The following GPRC5B variants were observed in gnomAD, a reference collection of about 807,000 sequenced individuals.
GPRC5B encodes G protein-coupled receptor class C group 5 member B, also known as G protein-coupled receptor family C group 5 member B.
In GPRC5B, 16 loss-of-function variants were observed where a neutral mutation model predicts 30.1. That is an observed-to-expected ratio of 0.53 (90% CI 0.36 to 0.81). The LOEUF is 0.81. GPRC5B is among the 30% of genes least tolerant of loss of function. The probability of loss-of-function intolerance (pLI) is 0.01; values close to 1 mark genes in which losing one functional copy is unlikely to be tolerated. For synonymous variants in GPRC5B, 241 were observed against 239.5 expected, an observed-to-expected ratio of 1.01 and a Z score of -0.06; for missense variants, 428 against 544.7, an observed-to-expected ratio of 0.79 and a Z score of 2.13.
chr16:19,859,719 A>T lies in GPRC5B; in HGVS notation c.*781T>A, dbSNP rs1433551426. 1 of 152,714 alleles carries T rather than the reference A, an allele frequency of 6.5e-6. No homozygotes were observed. The highest frequency in any genetic ancestry group is 1.9e-4 in the East Asian group (1 of 5,206). The allele number at this position is 152,714 out of a possible 1,614,324, so 9.5% of individuals were successfully genotyped here. On this transcript the variant is annotated 3_prime_UTR_variant, in exon 4 of 4. Transcript: ENST00000300571. ...GGCGAGATGATCAAGGGAAGAAGGG[A>T]CTGCTGCCCCAAGCCAGAATATTTC...
At chr16:19,877,830 C>T (rs536115643) in intron 1 of GPRC5B, among the ~76,000 whole-genome samples, 8 of 152,272 alleles carry the variant, frequency 5.3e-5, no homozygotes, top group African/African-American at 1.9e-4. Flanking sequence ...CTTTTTACTA[C>T]ACACTAGCTT....
At chr16:19,870,454 G>A (rs563047640) in intron 2 of GPRC5B, among the ~76,000 whole-genome samples, 296 of 152,278 alleles carry the variant, frequency 1.9e-3, no homozygotes, top group African/African-American at 6.7e-3. Flanking sequence ...GCTCTATGAG[G>A]TACAGTCTCT....
chr16:19,864,750 C>T (rs28445402), intron 2 of GPRC5B, among the ~76,000 whole-genome samples: 3,801 of 152,300 alleles, frequency 0.025, 137 homozygotes, highest in African/African-American at 0.087. Context: ...TCCTAAAATA[C>T]AAGCTGGCTG....
intron 3 of GPRC5B, among the ~76,000 whole-genome samples, chr16:19,861,502 A>AG (rs2056621922): frequency 6.6e-6 from 1 of 152,158 alleles, no homozygotes; most frequent in African/African-American, 2.4e-5. Flanking sequence ...AAAATCTGCT[A>AG]GGGGCGCTCC....
At position 19,856,762 on chromosome 16, in the gene GPRC5B, C is replaced by A; in HGVS notation, c.*3738G>T. ...CCAGTCTTCACTTTCTGCATTATCC[C>A]CACATTTTATTCATTCATCCAGATT... On this transcript the variant is annotated 3_prime_UTR_variant, in exon 4 of 4. Transcript: ENST00000300571. 1.8e-6 allele frequency: 1 copy of A among 542,012 alleles called. No homozygotes were observed. The allele number at this position is 542,012 out of a possible 1,614,324, so 33.6% of individuals were successfully genotyped here.
At chr16:19,864,870 G>C (rs971970976) in intron 2 of GPRC5B, among the ~76,000 whole-genome samples, 4 of 149,868 alleles carry the variant, frequency 2.7e-5, no homozygotes, top group African/African-American at 9.7e-5. Flanking sequence ...ATCTAGCCAG[G>C]ACTCCAACTT....
At position 19,872,710 on chromosome 16, in the gene GPRC5B, C is replaced by T. The variant is rs376699743; in HGVS notation, c.136G>A (p.Val46Met). The T allele has an allele frequency of 1.9e-5, 30 of 1,613,858 alleles. No individual in the cohort carries two copies. Among genetic ancestry groups the T allele is most frequent in the South Asian group, 3.3e-5 (3 of 91,092 alleles). The change falls in exon 2 of 4, where the codon GTG (valine) becomes ATG (methionine). Residue 46 changes from valine to methionine, a missense_variant. By Grantham distance (21) the Val-to-Met change is conservative. Coordinates refer to ENST00000300571, the MANE Select transcript of GPRC5B (RefSeq NM_016235.3). This position sits in a 1 kb window ranked among gnomAD's most constrained non-coding sequence, Gnocchi z 5.0. ...ATGGCGTCCAGGTCGCACAGGGACA[C>T]GTACTGAGGGAGGAGGTCCAGCCCA... ...GCGLDLLPQY[V>M]SLCDLDAIWG... is the part of the protein sequence containing the mutation.
intron 2 of GPRC5B, among the ~76,000 whole-genome samples, chr16:19,863,491 CTTTTTTTTT>C (rs10541805): frequency 1.2e-5 from 1 of 82,270 alleles, no homozygotes; most frequent in Non-Finnish European, 2.2e-5. Context: ...AATCTGTGTT[CTTTTTTTTT>C]TTTTTTTTTT....
chr16:19,869,621 C>G (rs1292637), intron 2 of GPRC5B, among the ~76,000 whole-genome samples: 53,315 of 151,916 alleles, frequency 0.35, 9,559 homozygotes, highest in African/African-American at 0.41. Context: ...TGCCACATCC[C>G]CTAGATAGGA....
At position 19,884,790 on chromosome 16, in the gene GPRC5B, G is replaced by A. The variant is rs2056838017; in HGVS notation, c.-65C>T. ...CCTTCGGCCCGAGTCACATCTCTGC[G>A]GCGCGGCCGCGGCCCCCGCTCCACG... On this transcript the variant is annotated 5_prime_UTR_variant, in exon 1 of 4. Coordinates refer to ENST00000300571, the MANE Select transcript of GPRC5B (RefSeq NM_016235.3). 34 of 984,136 alleles carry A rather than the reference G, an allele frequency of 3.5e-5. No individual in the cohort carries two copies. Among genetic ancestry groups the A allele is most frequent in the Non-Finnish European group, 4.1e-5 (34 of 829,366 alleles). 61.0% of individuals were successfully genotyped at this position (984,136 alleles called of 1,614,324 possible). A position where few individuals can be genotyped will look rare whatever the true frequency, so the allele number is the denominator to read the frequency against.
At chr16:19,885,499 A>C (rs1597639789), upstream of GPRC5B, 3 of 1,115,118 alleles carry the variant, frequency 2.7e-6, no homozygotes, top group East Asian at 8.4e-5. The surrounding 1 kb of genome is among the most constrained non-coding windows in gnomAD (Gnocchi z 5.3). Context: ...TGGGACCAAC[A>C]CCCGCTTCCT....
At chr16:19,878,881 G>A (rs928071833) in intron 1 of GPRC5B, among the ~76,000 whole-genome samples, 3 of 152,102 alleles carry the variant, frequency 2.0e-5, no homozygotes, top group East Asian at 3.9e-4. Flanking sequence ...CAGCAACATC[G>A]CCCTGGAGCT....
chr16:19,869,008 G>A (rs961449465), intron 2 of GPRC5B, among the ~76,000 whole-genome samples: 2 of 152,242 alleles, frequency 1.3e-5, no homozygotes, highest in Admixed American at 1.3e-4. Context: ...GTGGTAGTGA[G>A]GACTAATGAG....
intron 1 of GPRC5B, chr16:19,882,249 G>A (rs1479546326): frequency 6.6e-6 from 1 of 152,196 alleles, no homozygotes; most frequent in Admixed American, 6.5e-5. Context: ...TAGTAAACAG[G>A]GTTGCAAGAA....
chr16:19,876,388 G>A (rs924601769), intron 1 of GPRC5B, among the ~76,000 whole-genome samples: 39 of 152,202 alleles, frequency 2.6e-4, no homozygotes, highest in African/African-American at 9.2e-4. Context: ...CTGTGCCAAG[G>A]TGGAGCAAGC....
intron 1 of GPRC5B, among the ~76,000 whole-genome samples, chr16:19,877,326 C>T (rs114857224): frequency 0.017 from 2,555 of 152,250 alleles, 60 homozygotes; most frequent in African/African-American, 0.059. Context: ...ATGTTCCTCC[C>T]ACATCTTATG....
At chr16:19,881,055 G>T (rs1409486759) in intron 1 of GPRC5B, 1 of 152,188 alleles carries the variant, frequency 6.6e-6, no homozygotes, top group Admixed American at 6.5e-5. Context: ...TCCGAGCCCT[G>T]TGCATATTTA....
chr16:19,873,915 G>C (rs1292639), intron 1 of GPRC5B, among the ~76,000 whole-genome samples: 1 of 151,890 alleles, frequency 6.6e-6, no homozygotes, highest in African/African-American at 2.4e-5. Flanking sequence ...GAGTAGCTGG[G>C]ATTACAGGCG....
At chr16:19,885,373 GT>G (rs2056842332), upstream of GPRC5B, 1 of 1,187,630 alleles carries the variant, frequency 8.4e-7, no homozygotes, top group African/African-American at 1.6e-5. The surrounding 1 kb of genome is among the most constrained non-coding windows in gnomAD (Gnocchi z 5.3). Context: ...CAACGCCCCG[GT>G]ATACACCTAG....
Sources: allele counts gnomAD v4.1 joint callset (sites outside exome capture counted in the v4.1 genomes callset), GRCh38; gene constraint gnomAD v4.1.1; non-coding constraint Gnocchi (gnomAD v3.1); transcripts MANE v1.5; gene names NCBI Gene and HGNC (gene_info 2026-07-23, HGNC 2026-07-21).